Variants in GPBP1 observed in about 807,000 individuals in gnomAD.
GPBP1 encodes the protein vasculin.
In GPBP1, 13 loss-of-function variants were observed where a neutral mutation model predicts 56.5. The ratio of observed to expected loss-of-function variants is 0.23; its 90% CI spans 0.15 to 0.37. GPBP1 has a LOEUF of 0.37. GPBP1 is among the 10% of genes least tolerant of loss of function. The pLI, the probability that GPBP1 is intolerant of heterozygous loss-of-function variation, is 1.00. For synonymous variants in GPBP1, 204 were observed against 188.9 expected, an observed-to-expected ratio of 1.08 and a Z score of -0.66; for missense variants, 477 against 572.3, an observed-to-expected ratio of 0.83 and a Z score of 1.70.
chr5:57,177,495 C>A (rs1449368947), intron 2 of GPBP1, among the ~76,000 whole-genome samples: 2 of 151,834 alleles, frequency 1.3e-5, no homozygotes, highest in Non-Finnish European at 2.9e-5. Context: ...TTATTTGAGA[C>A]CGAGTTTCGC....
Position 57,248,948 on chromosome 5 carries a change from A to C in GPBP1, c.805-461A>C, listed in dbSNP as rs114640226. On this transcript the variant is annotated intron_variant, in intron 8 of 11. Transcript: ENST00000506184. ...ACACCAAAGAACCAAAAACAAAAGG[A>C]TTCTTTCTCCTCTCCTCCCTGCCAT... 4.5e-3 allele frequency: 684 copies of C among 152,658 alleles called. 8 individuals carry two copies. Among genetic ancestry groups the C allele is most frequent in the Non-Finnish European group, 6.1e-3 (415 of 68,286 alleles). The allele number at this position is 152,658 out of a possible 1,614,324, so 9.5% of individuals were successfully genotyped here.
At chr5:57,260,525 C>T (rs1316814451) in intron 10 of GPBP1, among the ~76,000 whole-genome samples, 1 of 152,148 alleles carries the variant, frequency 6.6e-6, no homozygotes, top group Non-Finnish European at 1.5e-5. Flanking sequence ...TTTGTGGTGC[C>T]TTAAACAAGA....
At chr5:57,247,048 C>A (rs1741122938) in intron 7 of GPBP1, 27 bp from the exon 8 acceptor site, 1 of 1,591,746 alleles carries the variant, frequency 6.3e-7, no homozygotes. Context: ...TTTTGATAGC[C>A]ATTAATGTTT....
At chr5:57,233,183 A>G (rs2111864308) in intron 5 of GPBP1, among the ~76,000 whole-genome samples, 1 of 152,326 alleles carries the variant, frequency 6.6e-6, no homozygotes, top group East Asian at 1.9e-4. Context: ...ATGAAAATAA[A>G]TAGTTTTTGG....
intron 11 of GPBP1, among the ~76,000 whole-genome samples, chr5:57,262,193 C>T (rs1422444863): frequency 6.6e-6 from 1 of 152,094 alleles, no homozygotes; most frequent in Admixed American, 6.5e-5. Context: ...TTTCTAGTAT[C>T]TTCATCTCCG....
chr5:57,236,306 T>C (rs1467721962), intron 6 of GPBP1, among the ~76,000 whole-genome samples: 1 of 152,178 alleles, frequency 6.6e-6, no homozygotes, highest in Non-Finnish European at 1.5e-5. Context: ...GTGTAATGAA[T>C]TGATACCATT....
chr5:57,191,851 C>A (rs968898209), intron 2 of GPBP1, among the ~76,000 whole-genome samples: 1 of 152,074 alleles, frequency 6.6e-6, no homozygotes, highest in Non-Finnish European at 1.5e-5. Flanking sequence ...TGAGCCACCA[C>A]GCCGGCCTGT....
At chr5:57,203,363 C>T (rs925769416) in intron 2 of GPBP1, among the ~76,000 whole-genome samples, 4 of 152,060 alleles carry the variant, frequency 2.6e-5, no homozygotes, top group African/African-American at 7.2e-5. Flanking sequence ...GGGTATGGCG[C>T]TGTGGCTCAC....
intron 6 of GPBP1, among the ~76,000 whole-genome samples, chr5:57,244,132 T>C (rs978455262): frequency 2.6e-5 from 4 of 152,270 alleles, no homozygotes; most frequent in African/African-American, 9.6e-5. Context: ...TCTATTTTTA[T>C]CAAAGTTGCA....
intron 2 of GPBP1, among the ~76,000 whole-genome samples, chr5:57,183,765 A>AT (rs34608817): frequency 0.59 from 78,776 of 133,324 alleles, 24,971 homozygotes; most frequent in Middle Eastern, 0.74. Context: ...GGGGATATGA[A>AT]TTTTTTTTTT....
rs1412916720 is a variant in GPBP1, at chr5:57,262,748, T to C, written c.1418T>C (p.Val473Ala). The C allele has an allele frequency of 6.2e-7, 1 of 1,612,342 alleles. No homozygotes were observed. Among genetic ancestry groups the C allele is most frequent in the Non-Finnish European group, 8.5e-7 (1 of 1,178,976 alleles). The change falls in exon 12 of 12, where the codon GTG (valine) becomes GCG (alanine). Residue 473 changes from valine (V) to alanine (A), a missense_variant. Around this residue, in one of 2 missense-constraint regions of GPBP1, gnomAD observed 63 missense variants for 114.0 expected, o/e 0.55. Transcript: ENST00000506184. ...SSSDTSDDDD[V>A] ...AGTGATACATCAGATGACGACGATG[T>C]GTGAAGGATTTCCTAACAGCTTTAG...
At chr5:57,200,474 TCTTCTGCCTC>T (rs924771423) in intron 2 of GPBP1, among the ~76,000 whole-genome samples, 1 of 150,752 alleles carries the variant, frequency 6.6e-6, no homozygotes, top group African/African-American at 2.4e-5. Flanking sequence ...TTCAAGTGAT[TCTTCTGCCTC>T]AGCCTCCCTA....
intron 2 of GPBP1, among the ~76,000 whole-genome samples, chr5:57,179,488 C>T (rs1753945816): frequency 6.6e-6 from 1 of 152,184 alleles, no homozygotes; most frequent in African/African-American, 2.4e-5. Flanking sequence ...GCTGGGATTA[C>T]AGGCCTAAAC....
intron 2 of GPBP1, among the ~76,000 whole-genome samples, chr5:57,183,349 A>G (rs748513908): frequency 1.2e-4 from 19 of 152,170 alleles, no homozygotes; most frequent in Admixed American, 2.6e-4. Context: ...CCTGGGTGAC[A>G]AGAGTAAAAA....
At chr5:57,198,372 T>A (rs537816367) in intron 2 of GPBP1, among the ~76,000 whole-genome samples, 2 of 152,314 alleles carry the variant, frequency 1.3e-5, no homozygotes, top group East Asian at 3.9e-4. Flanking sequence ...TTTAACTCCT[T>A]TGTTTTGCTT....
intron 2 of GPBP1, among the ~76,000 whole-genome samples, chr5:57,198,705 C>T (rs1231964637): frequency 1.3e-5 from 2 of 151,960 alleles, no homozygotes; most frequent in Non-Finnish European, 2.9e-5. Context: ...AAACATTAGC[C>T]GAGCATGGTG....
At chr5:57,191,601 C>T (rs1035337828) in intron 2 of GPBP1, among the ~76,000 whole-genome samples, 6 of 149,254 alleles carry the variant, frequency 4.0e-5, no homozygotes, top group African/African-American at 1.5e-4. Flanking sequence ...GTCACTCTAT[C>T]ACCAGGCTGG....
Position 57,175,837 on chromosome 5 carries a change from A to C in GPBP1, c.-621A>C, listed in dbSNP as rs1470351783. 7.6e-6 allele frequency: 3 copies of C among 397,102 alleles called. No homozygotes were observed. The highest frequency in any genetic ancestry group is 1.3e-5 in the Non-Finnish European group (3 of 225,718). The allele number at this position is 397,102 out of a possible 1,614,324, so 24.6% of individuals were successfully genotyped here. On this transcript the variant is annotated 5_prime_UTR_variant, in exon 2 of 12. Transcript: ENST00000506184. The stretch of plus-strand genomic sequence containing the variant: ...CTGAGTATTGCTGAAGTTTCATGGC[A>C]GTTTATTTTTACCTTTATTGAAAGT...
intron 6 of GPBP1, among the ~76,000 whole-genome samples, chr5:57,241,361 C>G (rs1434072489): frequency 1.3e-5 from 2 of 152,160 alleles, no homozygotes; most frequent in Admixed American, 6.5e-5. Context: ...TAGAAGAAAA[C>G]TAATTCTTAC....
Sources: allele counts gnomAD v4.1 joint callset (sites outside exome capture counted in the v4.1 genomes callset), GRCh38; gene constraint gnomAD v4.1.1; regional missense constraint gnomAD v4.1.1; transcripts MANE v1.5; gene names NCBI Gene and HGNC (gene_info 2026-07-23, HGNC 2026-07-21).